GRB2: variants seen among roughly 807,000 people sequenced by gnomAD.
The protein encoded by GRB2 is growth factor receptor-bound protein 2.
In GRB2, 2 loss-of-function variants were observed where a neutral mutation model predicts 27.4. The observed-to-expected ratio is 0.07, with a 90% CI of 0.03 to 0.23. The LOEUF (loss-of-function observed/expected upper bound fraction) is 0.23, where lower values mean the gene tolerates loss of function less well. Ranked by LOEUF, GRB2 falls within the 10% of genes least tolerant of loss-of-function variation. The pLI is 1.00. For missense variants in GRB2, 102 were observed against 282.4 expected, an observed-to-expected ratio of 0.36 and a Z score of 4.58; for synonymous variants, 94 against 99.6, an observed-to-expected ratio of 0.94 and a Z score of 0.33.
chr17:75,392,498 T>G (rs1598255736), intron 2 of GRB2, among the ~76,000 whole-genome samples: 1 of 152,196 alleles, frequency 6.6e-6, no homozygotes, highest in Non-Finnish European at 1.5e-5. Flanking sequence ...AACTTAAAAG[T>G]AAAAAGACTG....
chr17:75,387,185 T>C (rs2078969630), intron 2 of GRB2, among the ~76,000 whole-genome samples: 1 of 151,378 alleles, frequency 6.6e-6, no homozygotes, highest in African/African-American at 2.4e-5. Context: ...AGAGTGCCAA[T>C]CTTGCCCAGG....
At chr17:75,399,738 T>C (rs2079052291) in intron 1 of GRB2, among the ~76,000 whole-genome samples, 1 of 151,846 alleles carries the variant, frequency 6.6e-6, no homozygotes, top group Admixed American at 6.6e-5. Flanking sequence ...GACGCAATCT[T>C]GGCTCGCTGC....
intron 2 of GRB2, among the ~76,000 whole-genome samples, chr17:75,381,585 GT>G: frequency 6.6e-6 from 1 of 151,622 alleles, no homozygotes; most frequent in East Asian, 1.9e-4. Flanking sequence ...GCCAGGCATG[GT>G]GGCGGGCACC....
Position 75,325,887 on chromosome 17 carries a change from G to A in GRB2, c.299+11C>T, listed in dbSNP as rs1010135338. ...ACAGGATTCCAGGCAACTGCAGCAG[G>A]AAATACTTACTTGACAGAGAGGGAG... On this transcript the variant is annotated intron_variant, in intron 4 of 5. Coordinates refer to ENST00000316804, the MANE Select transcript of GRB2 (RefSeq NM_002086.5). 1.2e-6 allele frequency: 2 copies of A among 1,613,100 alleles called. No individual in the cohort carries two copies. Among genetic ancestry groups the A allele is most frequent in the Non-Finnish European group, 1.7e-6 (2 of 1,179,898 alleles).
intron 1 of GRB2, among the ~76,000 whole-genome samples, chr17:75,398,451 G>A (rs1361553240): frequency 4.6e-5 from 7 of 151,476 alleles, no homozygotes; most frequent in Non-Finnish European, 1.0e-4. Flanking sequence ...TGTAGAGATG[G>A]GGTCTCCCTA....
intron 2 of GRB2, among the ~76,000 whole-genome samples, chr17:75,340,817 T>G (rs575715903): frequency 6.6e-6 from 1 of 152,234 alleles, no homozygotes; most frequent in East Asian, 1.9e-4. Flanking sequence ...CTGCCTGCTA[T>G]GCTGTGTGCC....
intron 1 of GRB2, 110 bp from the exon 2 acceptor site, chr17:75,393,875 A>G: frequency 2.0e-6 from 1 of 499,560 alleles, no homozygotes; most frequent in Non-Finnish European, 3.5e-6. Flanking sequence ...GGCCTGGCTC[A>G]GCCCTCCTCC....
chr17:75,382,094 G>A (rs1220297498), intron 2 of GRB2, among the ~76,000 whole-genome samples: 4 of 151,940 alleles, frequency 2.6e-5, no homozygotes, highest in African/African-American at 7.3e-5. Context: ...GTGGAGGCAC[G>A]TGCCTGTAGT....
At chr17:75,356,068 A>T (rs1368055175) in intron 2 of GRB2, among the ~76,000 whole-genome samples, 5 of 151,972 alleles carry the variant, frequency 3.3e-5, no homozygotes, top group South Asian at 2.1e-4. Context: ...TCCTGAGCTC[A>T]GGTAATCCAC....
intron 1 of GRB2, among the ~76,000 whole-genome samples, chr17:75,398,201 T>C (rs545234381): frequency 1.2e-4 from 18 of 152,362 alleles, no homozygotes; most frequent in East Asian, 1.2e-3. Context: ...AGTTTTCATA[T>C]ACTAATTGGC....
chr17:75,386,759 A>G (rs1001842218), intron 2 of GRB2, among the ~76,000 whole-genome samples: 1 of 152,220 alleles, frequency 6.6e-6, no homozygotes, highest in Non-Finnish European at 1.5e-5. Context: ...TGTGATGGGT[A>G]CACCCAGTAC....
intron 2 of GRB2, among the ~76,000 whole-genome samples, chr17:75,375,143 A>AG (rs1479860677): frequency 6.6e-6 from 1 of 152,008 alleles, no homozygotes; most frequent in African/African-American, 2.4e-5. Flanking sequence ...GCTGGCTTTA[A>AG]GGGCTATTCC....
At chr17:75,373,556 C>G (rs1261722103) in intron 2 of GRB2, 1 of 152,180 alleles carries the variant, frequency 6.6e-6, no homozygotes, top group African/African-American at 2.4e-5. Context: ...GCCGTATCTG[C>G]ATGGACAAAG....
chr17:75,353,727 T>A (rs1404371048), intron 2 of GRB2, among the ~76,000 whole-genome samples: 1 of 151,160 alleles, frequency 6.6e-6, no homozygotes, highest in Non-Finnish European at 1.5e-5. Flanking sequence ...GCCACTGCAC[T>A]CCAGCCTGGG....
chr17:75,372,244 C>G (rs951561357), intron 2 of GRB2: 22 of 152,168 alleles, frequency 1.4e-4, no homozygotes, highest in African/African-American at 5.3e-4. Flanking sequence ...AGATGCAGAA[C>G]AAAGTACAAC....
At chr17:75,363,479 G>T (rs533711879) in intron 2 of GRB2, among the ~76,000 whole-genome samples, 1 of 152,264 alleles carries the variant, frequency 6.6e-6, no homozygotes, top group Non-Finnish European at 1.5e-5. Flanking sequence ...TACAACAAAT[G>T]CAAGGAATGT....
intron 3 of GRB2, among the ~76,000 whole-genome samples, chr17:75,330,366 GC>G (rs1226192468): frequency 1.3e-5 from 2 of 151,616 alleles, no homozygotes; most frequent in African/African-American, 4.9e-5. Flanking sequence ...TGGCGACAGA[GC>G]GAGACTCCAT....
intron 2 of GRB2, among the ~76,000 whole-genome samples, chr17:75,388,586 G>A (rs909768102): frequency 1.4e-5 from 2 of 146,850 alleles, no homozygotes; most frequent in East Asian, 2.1e-4. Flanking sequence ...AAAATAGTGG[G>A]GGGGGGGAAG....
At chr17:75,352,866 G>C (rs918056096) in intron 2 of GRB2, among the ~76,000 whole-genome samples, 1 of 147,762 alleles carries the variant, frequency 6.8e-6, no homozygotes, top group Admixed American at 6.7e-5. Flanking sequence ...GGGAGAAAAA[G>C]TTAACTTGTT....
Sources: gnomAD v4.1 joint callset for allele counts (sites outside exome capture counted in the v4.1 genomes callset) on GRCh38, gnomAD v4.1.1 for gene constraint, MANE v1.5 for transcripts, NCBI Gene and HGNC (gene_info 2026-07-23, HGNC 2026-07-21) for gene names.